IKZF2: variants seen among roughly 807,000 people sequenced by gnomAD.
IKZF2 encodes IKAROS family zinc finger 2, also known as zinc finger protein Helios.
In IKZF2, 15 loss-of-function variants were observed where a neutral mutation model predicts 49.2. The observed-to-expected ratio is 0.30, with a 90% confidence interval of 0.20 to 0.47. The LOEUF (loss-of-function observed/expected upper bound fraction) is 0.47. Among genes scored for constraint, IKZF2 ranks in the 20% least tolerant of loss-of-function variants. The pLI, the probability that IKZF2 is intolerant of heterozygous loss-of-function variation, is 1.00. For missense variants in IKZF2, 567 were observed against 664.6 expected, an observed-to-expected ratio of 0.85 and a Z score of 1.61; for synonymous variants, 227 against 221.4, an observed-to-expected ratio of 1.03 and a Z score of -0.23.
chr2:213,003,131 A>T lies in IKZF2; in HGVS notation c.*4229T>A, dbSNP rs1192467355. 2 of 152,116 alleles carry T rather than the reference A, an allele frequency of 1.3e-5. No homozygotes were observed. Among genetic ancestry groups the T allele is most frequent in the Non-Finnish European group, 3.0e-5 (2 of 67,672 alleles). The allele number at this position is 152,116 out of a possible 1,614,324, so 9.4% of individuals were successfully genotyped here. A position where few individuals can be genotyped will look rare whatever the true frequency, so the allele number is the denominator to read the frequency against. ...TAGTACTCAATTTTAAGTGATTTTT[A>T]AAAATGCATATTAAAAGTGTTGTAC... is the stretch of plus-strand genomic sequence containing the variant. On this transcript the variant is annotated 3_prime_UTR_variant, in exon 9 of 9. Transcript: ENST00000434687.
At chr2:213,144,631 T>C (rs2125973500) in intron 4 of IKZF2, among the ~76,000 whole-genome samples, 1 of 152,104 alleles carries the variant, frequency 6.6e-6, no homozygotes, top group South Asian at 2.1e-4. Flanking sequence ...TAAAAATCAC[T>C]TAACACTGTG....
intron 4 of IKZF2, among the ~76,000 whole-genome samples, chr2:213,092,798 G>T (rs1252127805): frequency 6.6e-6 from 1 of 152,156 alleles, no homozygotes; most frequent in African/African-American, 2.4e-5. Context: ...TGTCCTCAAT[G>T]TAACTTCATT....
chr2:213,056,668 G>A, intron 5 of IKZF2, 165 bp downstream of exon 5: 1 of 832,674 alleles, frequency 1.2e-6, no homozygotes, highest in East Asian at 2.6e-5. Context: ...TGGAAGTCAA[G>A]ACCCAGGCTA....
intron 5 of IKZF2, among the ~76,000 whole-genome samples, chr2:213,050,577 C>T (rs1700586976): frequency 6.6e-6 from 1 of 152,084 alleles, no homozygotes; most frequent in South Asian, 2.1e-4. Flanking sequence ...ATAGTAAAAC[C>T]TTTAGCAAAA....
At chr2:213,048,641 T>C (rs1173274550) in intron 6 of IKZF2, among the ~76,000 whole-genome samples, 1 of 152,100 alleles carries the variant, frequency 6.6e-6, no homozygotes, top group Non-Finnish European at 1.5e-5. Context: ...GAAAAATATA[T>C]ACTTAAAATA....
intron 4 of IKZF2, among the ~76,000 whole-genome samples, chr2:213,093,024 G>T (rs1253780479): frequency 1.3e-5 from 2 of 152,106 alleles, no homozygotes; most frequent in African/African-American, 4.8e-5. Context: ...AAAGTTTTCT[G>T]CTCTATGACA....
At chr2:213,083,551 C>CTTTTTTTTT (rs35297007) in intron 4 of IKZF2, among the ~76,000 whole-genome samples, 245 of 93,956 alleles carry the variant, frequency 2.6e-3, no homozygotes, top group East Asian at 3.9e-3. Context: ...ACCAGGCTAA[C>CTTTTTTTTT]TTTTTTTTTT....
intron 6 of IKZF2, among the ~76,000 whole-genome samples, chr2:213,035,810 G>A (rs1698964120): frequency 6.6e-6 from 1 of 152,130 alleles, no homozygotes; most frequent in Non-Finnish European, 1.5e-5. Context: ...AATATTTTAA[G>A]AAGAGGAGTG....
chr2:213,129,348 C>T (rs1366033273), intron 4 of IKZF2, among the ~76,000 whole-genome samples: 2 of 147,202 alleles, frequency 1.4e-5, no homozygotes, highest in Non-Finnish European at 3.0e-5. Flanking sequence ...AAAGCCTCGC[C>T]AAGGAGGCGA....
rs1179298323 is a variant in IKZF2 at position 213,004,865 on chromosome 2, T to G, written c.*2495A>C. 1 of 152,270 alleles carries G rather than the reference T, an allele frequency of 6.6e-6. No individual in the cohort carries two copies. 9.4% of individuals were successfully genotyped at this position (152,270 alleles called of 1,614,324 possible). A position where few individuals can be genotyped will look rare whatever the true frequency, so the allele number is the denominator to read the frequency against. On this transcript the variant is annotated 3_prime_UTR_variant, in exon 9 of 9. Coordinates refer to ENST00000434687, the MANE Select transcript of IKZF2 (RefSeq NM_001387220.1). ...ACTCTCAACTACTAACTACCTTCAA[T>G]AAAACAGATTCCCAAAAAGATGAAA...
intron 4 of IKZF2, among the ~76,000 whole-genome samples, chr2:213,108,597 G>C (rs2059607065): frequency 6.6e-6 from 1 of 152,096 alleles, no homozygotes; most frequent in Admixed American, 6.6e-5. Flanking sequence ...CGGTCCAAGA[G>C]TGCTTCCAGG....
chr2:213,111,025 G>A (rs182783476), intron 4 of IKZF2, among the ~76,000 whole-genome samples: 46 of 151,932 alleles, frequency 3.0e-4, no homozygotes, highest in African/African-American at 6.5e-4. Flanking sequence ...GAGATTAACC[G>A]TTTAAGTCAT....
At chr2:213,110,789 C>T (rs1010617801) in intron 4 of IKZF2, among the ~76,000 whole-genome samples, 2 of 151,934 alleles carry the variant, frequency 1.3e-5, no homozygotes, top group African/African-American at 4.8e-5. Flanking sequence ...GCAGCCTTGC[C>T]AACACAGCAT....
chr2:213,096,579 AC>A (rs1380690734), intron 4 of IKZF2, among the ~76,000 whole-genome samples: 13 of 151,942 alleles, frequency 8.6e-5, no homozygotes, highest in Non-Finnish European at 1.9e-4. Context: ...GACTATATAT[AC>A]TTCAGCTTAT....
At chr2:213,117,342 C>A (rs982218993) in intron 4 of IKZF2, among the ~76,000 whole-genome samples, 2 of 152,136 alleles carry the variant, frequency 1.3e-5, no homozygotes, top group Non-Finnish European at 2.9e-5. Flanking sequence ...TCATTTAATT[C>A]TCCCAACAGC....
At chr2:213,069,085 C>T (rs909213885) in intron 4 of IKZF2, among the ~76,000 whole-genome samples, 1 of 152,106 alleles carries the variant, frequency 6.6e-6, no homozygotes, top group Non-Finnish European at 1.5e-5. Flanking sequence ...GGATGTGAAC[C>T]CTGCCATTAT....
chr2:213,110,319 T>A (rs2059660326), intron 4 of IKZF2, among the ~76,000 whole-genome samples: 1 of 151,930 alleles, frequency 6.6e-6, no homozygotes, highest in Non-Finnish European at 1.5e-5. Flanking sequence ...GTCATCCCTC[T>A]ATCTATACAC....
chr2:213,024,212 A>T (rs1361543415), intron 6 of IKZF2, among the ~76,000 whole-genome samples: 1 of 152,116 alleles, frequency 6.6e-6, no homozygotes, highest in Non-Finnish European at 1.5e-5. Flanking sequence ...CTTCATCTCC[A>T]TTCTATTCCA....
At chr2:213,140,085 A>G (rs896458842) in intron 4 of IKZF2, among the ~76,000 whole-genome samples, 1 of 151,968 alleles carries the variant, frequency 6.6e-6, no homozygotes, top group Non-Finnish European at 1.5e-5. Flanking sequence ...TGTTTGCTGG[A>G]TCAATGATCG....
Sources: gnomAD v4.1 joint callset for allele counts (sites outside exome capture counted in the v4.1 genomes callset) on GRCh38, gnomAD v4.1.1 for gene constraint, MANE v1.5 for transcripts, NCBI Gene and HGNC (gene_info 2026-07-23, HGNC 2026-07-21) for gene names.